Variants in LYPD3 observed in about 807,000 individuals in gnomAD.
LYPD3 encodes the protein LY6/PLAUR domain containing 3.
A neutral mutation model predicts 21.7 loss-of-function variants in LYPD3; 22 were observed. The observed-to-expected ratio is 1.01, with a 90% CI of 0.72 to 1.45. LYPD3 has a LOEUF of 1.45. Ranked by LOEUF, LYPD3 falls within the 40% of genes most tolerant of loss-of-function variation. The probability of loss-of-function intolerance (pLI) is 0.00; values close to 1 mark genes in which losing one functional copy is unlikely to be tolerated. For synonymous variants in LYPD3, 179 were observed against 203.0 expected, an observed-to-expected ratio of 0.88 and a Z score of 1.00; for missense variants, 471 against 466.9, an observed-to-expected ratio of 1.01 and a Z score of -0.08.
chr19:43,462,524 G>T (rs1329688220), intron 4 of LYPD3, among the ~76,000 whole-genome samples: 2 of 152,114 alleles, frequency 1.3e-5, no homozygotes, highest in African/African-American at 4.8e-5. Flanking sequence ...CAGTCGTGGC[G>T]GTGCACCCTG....
At chr19:43,465,223 G>C (rs1258280763) in intron 1 of LYPD3, among the ~76,000 whole-genome samples, 1 of 152,080 alleles carries the variant, frequency 6.6e-6, no homozygotes, top group Non-Finnish European at 1.5e-5. Context: ...CACCGCGCCC[G>C]GCCTAGGAAC....
At position 43,461,580 on chromosome 19, in the gene LYPD3, G is replaced by A. The variant is rs1970775965; in HGVS notation, c.812C>T (p.Pro271Leu). 4 of 1,614,180 alleles carry A rather than the reference G, an allele frequency of 2.5e-6. 1 individual carries two copies. The highest frequency in any genetic ancestry group is 1.7e-4 in the Middle Eastern group (1 of 6,060). Residue 271 changes from proline (P) to leucine (L), a missense_variant, in exon 5 of 5, where the codon CCC becomes CTC. Transcript: ENST00000244333. Reference sequence around the variant, plus strand: ...AGTCTGACTGGTTGGCGCTGGCATGGGTTTGGTGGTGGATGTGGGTCTCAC... The same window carrying A: ...AGTCTGACTGGTTGGCGCTGGCATGAGTTTGGTGGTGGATGTGGGTCTCAC... Reference protein sequence around the residue: ...APVRPTSTTKPMPAPTSQTPR... With the variant: ...APVRPTSTTKLMPAPTSQTPR...
In LYPD3 at chr19:43,461,738, C is replaced by T. The variant is rs752784686; in HGVS notation, c.654G>A (p.Gly218=). The change falls in exon 5 of 5, where the codon GGG becomes GGA. Residue 218 remains glycine, a synonymous_variant. Transcript: ENST00000244333. ...GFTLSGSCCQ[G]SRCNSDLRNK... Reference sequence around the variant, plus strand: ...TGCGGAGGTCAGAGTTACAGCGGGACCCCTGGCAACAGGAGCCACTGAGCG... The same window carrying T: ...TGCGGAGGTCAGAGTTACAGCGGGATCCCTGGCAACAGGAGCCACTGAGCG... 2 of 1,614,082 alleles carry T rather than the reference C, an allele frequency of 1.2e-6. No individual in the cohort carries two copies. Among genetic ancestry groups the T allele is most frequent in the Non-Finnish European group, 1.7e-6 (2 of 1,180,024 alleles).
At position 43,463,288 on chromosome 19, in the gene LYPD3, C is replaced by T. The variant is rs753705219; in HGVS notation, c.383-1G>A. Reference sequence around the variant, plus strand: ...TTGGGCGGGTATGCACTCTCATTACCTGCGAGGGGAGCCGAGAGGAAGAAA... The same window carrying T: ...TTGGGCGGGTATGCACTCTCATTACTTGCGAGGGGAGCCGAGAGGAAGAAA... On this transcript the variant is annotated splice_acceptor_variant, in intron 3 of 4. Coordinates refer to ENST00000244333, the MANE Select transcript of LYPD3 (RefSeq NM_014400.3). LOFTEE classifies it high-confidence loss of function. The T allele has an allele frequency of 5.0e-6, 8 of 1,601,026 alleles. No individual in the cohort carries two copies. In the Admixed American group the frequency reaches 1.3e-4, roughly 27 times the overall value.
intron 3 of LYPD3, 86 bp from the exon 4 acceptor site, chr19:43,463,373 C>T (rs768332343): frequency 2.3e-5 from 34 of 1,493,008 alleles, no homozygotes; most frequent in Non-Finnish European, 3.0e-5. Context: ...TAAGGCCTGG[C>T]CCCGGCACTA....
At chr19:43,463,566 C>A in intron 3 of LYPD3, 33 bp downstream of exon 3, 2 of 1,594,692 alleles carry the variant, frequency 1.3e-6, no homozygotes, top group Non-Finnish European at 1.7e-6. Context: ...AATGTGGCTC[C>A]GCCCCCGCAG....
Position 43,461,571 on chromosome 19 carries a change from G to C in LYPD3, c.821C>G (p.Ala274Gly). The C allele has an allele frequency of 1.9e-6, 3 of 1,614,162 alleles. No individual in the cohort carries two copies. In the South Asian group the frequency reaches 3.3e-5, roughly 18 times the overall value. The change falls in exon 5 of 5, where the codon GCG (alanine) becomes GGG (glycine). Residue 274 changes from alanine to glycine, a missense_variant. Transcript: ENST00000244333. Reference protein sequence around the residue: ...RPTSTTKPMPAPTSQTPRQGV... With the variant: ...RPTSTTKPMPGPTSQTPRQGV... ...CTGTCTCGGAGTCTGACTGGTTGGCGCTGGCATGGGTTTGGTGGTGGATGT... is the reference window on the plus strand; with the variant it reads ...CTGTCTCGGAGTCTGACTGGTTGGCCCTGGCATGGGTTTGGTGGTGGATGT...
chr19:43,461,158 TG>T lies in LYPD3; in HGVS notation c.*192del. The T allele has an allele frequency of 1.5e-6, 1 of 650,214 alleles. No homozygotes were observed. The highest frequency in any genetic ancestry group is 2.6e-6 in the Non-Finnish European group (1 of 386,342). 40.3% of individuals were successfully genotyped at this position (650,214 alleles called of 1,614,324 possible). A position where few individuals can be genotyped will look rare whatever the true frequency, so the allele number is the denominator to read the frequency against. ...TGTCCTCAAAAAGCTAGAACACCCC[TG>T]GCAGAATATATACAACGGTATTTTA... On this transcript the variant is annotated 3_prime_UTR_variant, in exon 5 of 5. Transcript: ENST00000244333.
chr19:43,463,841 G>C (rs556609946), intron 2 of LYPD3, 72 bp from the exon 3 acceptor site: 1 of 1,459,670 alleles, frequency 6.9e-7, no homozygotes, highest in South Asian at 1.1e-5. Flanking sequence ...GAGTTGGGTA[G>C]GGTCTGGGAG....
rs1361654435 is a variant in LYPD3, at chr19:43,461,666, G to A, written c.726C>T (p.Pro242=). ...AGGCCACAGTCGTGGGCTCTGGAGGGGGCAGCCGGACAAGGGGTGGGATTC... is the reference window on the plus strand; with the variant it reads ...AGGCCACAGTCGTGGGCTCTGGAGGAGGCAGCCGGACAAGGGGTGGGATTC... ...SPRIPPLVRL[P]PPEPTTVAST... Residue 242 remains proline (P), a synonymous_variant, in exon 5 of 5, where the codon CCC becomes CCT. Coordinates refer to ENST00000244333, the MANE Select transcript of LYPD3 (RefSeq NM_014400.3). 6.2e-7 allele frequency: 1 copy of A among 1,614,128 alleles called. No individual in the cohort carries two copies. The highest frequency in any genetic ancestry group is 2.2e-5 in the East Asian group (1 of 44,876).
chr19:43,463,440 A>C, intron 3 of LYPD3, 153 bp from the exon 4 acceptor site: 1 of 1,368,676 alleles, frequency 7.3e-7, no homozygotes, highest in Non-Finnish European at 1.0e-6. Flanking sequence ...CGGCGCCTAC[A>C]GCCAGAAAGT....
intron 4 of LYPD3, 53 bp downstream of exon 4, chr19:43,463,073 T>C (rs773332343): frequency 6.3e-7 from 1 of 1,597,470 alleles, no homozygotes; most frequent in Non-Finnish European, 8.5e-7. Flanking sequence ...CCCAGGGTGC[T>C]TCAGAAGGGC....
In LYPD3 at chr19:43,464,360, T is replaced by C; in HGVS notation, c.176A>G (p.Asp59Gly). The C allele has an allele frequency of 6.2e-7, 1 of 1,613,442 alleles. No homozygotes were observed. Among genetic ancestry groups the C allele is most frequent in the Non-Finnish European group, 8.5e-7 (1 of 1,179,808 alleles). ...CGCCCCCACGGCCTCGGTGCAGACG[T>C]CCACGCCCGGCGCGCACTTCACTGT... ...MKTVKCAPGV[D>G]VCTEAVGAVE... The change falls in exon 2 of 5, where the codon GAC becomes GGC. Residue 59 changes from aspartate to glycine, a missense_variant. By Grantham distance (94) the Asp-to-Gly change is moderately conservative. Coordinates refer to ENST00000244333, the MANE Select transcript of LYPD3 (RefSeq NM_014400.3).
In LYPD3 at chr19:43,461,523, C is replaced by A; in HGVS notation, c.869G>T (p.Arg290Leu). ...TCCAGTCAACCTGGGCTCCTCATCC[C>A]GGGAGGCCTCGTGTTCTACTCCCTG... ...PRQGVEHEAS[R>L]DEEPRLTGGA... The change falls in exon 5 of 5, where the codon CGG (arginine) becomes CTG (leucine). Residue 290 changes from arginine (R) to leucine (L), a missense_variant. Coordinates refer to ENST00000244333, the MANE Select transcript of LYPD3 (RefSeq NM_014400.3). 1 of 1,614,122 alleles carries A rather than the reference C, an allele frequency of 6.2e-7. No homozygotes were observed. The highest frequency in any genetic ancestry group is 8.5e-7 in the Non-Finnish European group (1 of 1,180,036).
Position 43,463,705 on chromosome 19 carries a change from G to T in LYPD3, c.276C>A (p.Arg92=). Residue 92 remains arginine (R), a synonymous_variant, in exon 3 of 5, where the codon CGC becomes CGA. Coordinates refer to ENST00000244333, the MANE Select transcript of LYPD3 (RefSeq NM_014400.3). Reference sequence around the variant, plus strand: ...CCAGAAGCCCGTGAAGATCCAGGCCGCGGTCATTCTTGCCGGGGAGTCCCG... The same window carrying T: ...CCAGAAGCCCGTGAAGATCCAGGCCTCGGTCATTCTTGCCGGGGAGTCCCG... ...CGSGLPGKND[R]GLDLHGLLAF... is the part of the protein sequence containing the mutation. 2 of 1,612,968 alleles carry T rather than the reference G, an allele frequency of 1.2e-6. No homozygotes were observed. Among genetic ancestry groups the T allele is most frequent in the Non-Finnish European group, 1.7e-6 (2 of 1,180,038 alleles).
In LYPD3 at chr19:43,463,140, A is replaced by T; in HGVS notation, c.530T>A (p.Val177Asp). Residue 177 changes from valine to aspartate, a missense_variant, in exon 4 of 5, where the codon GTC becomes GAC. By Grantham distance (152) the Val-to-Asp change is radical (BLOSUM62 -3). Transcript: ENST00000244333. ...GGCTCCCTCACCTGCCGTCAAGGTGACGTTGCCGTCGAAGCAGCCCTTGTA... is the reference window on the plus strand; with the variant it reads ...GGCTCCCTCACCTGCCGTCAAGGTGTCGTTGCCGTCGAAGCAGCCCTTGTA... Reference protein sequence around the residue: ...HVYKGCFDGNVTLTAANVTVS... With the variant: ...HVYKGCFDGNDTLTAANVTVS... 6.2e-7 allele frequency: 1 copy of T among 1,612,152 alleles called. No individual in the cohort carries two copies. Among genetic ancestry groups the T allele is most frequent in the Non-Finnish European group, 8.5e-7 (1 of 1,179,978 alleles).
At position 43,463,270 on chromosome 19, in the gene LYPD3, G is replaced by T; in HGVS notation, c.400C>A (p.Pro134Thr). The change falls in exon 4 of 5, where the codon CCG becomes ACG. Residue 134 changes from proline (P) to threonine (T), a missense_variant. Pro to Thr is a conservative substitution (Grantham distance 38). Transcript: ENST00000244333. ...CTGTAGCACTCCACGCCGTTGGGCG[G>T]GTATGCACTCTCATTACCTGCGAGG... ...LDPAGNESAYPPNGVECYSCV... is the reference protein window; with the variant it reads ...LDPAGNESAYTPNGVECYSCV... 6.2e-7 allele frequency: 1 copy of T among 1,603,136 alleles called. No individual in the cohort carries two copies. The highest frequency in any genetic ancestry group is 1.1e-5 in the South Asian group (1 of 91,088).
chr19:43,464,152 T>G, intron 2 of LYPD3, 173 bp downstream of exon 2: 2 of 883,646 alleles, frequency 2.3e-6, no homozygotes, highest in Non-Finnish European at 3.4e-6. Flanking sequence ...CTTGTAATTG[T>G]TAATAGAGAA....
At position 43,461,552 on chromosome 19, in the gene LYPD3, C is replaced by G. The variant is rs749115835; in HGVS notation, c.840G>C (p.Pro280=). The change falls in exon 5 of 5, where the codon CCG becomes CCC. Residue 280 remains proline (P), a synonymous_variant. Coordinates refer to ENST00000244333, the MANE Select transcript of LYPD3 (RefSeq NM_014400.3). ...KPMPAPTSQT[P]RQGVEHEASR... ...AGGCCTCGTGTTCTACTCCCTGTCT[C>G]GGAGTCTGACTGGTTGGCGCTGGCA... 1.9e-6 allele frequency: 3 copies of G among 1,614,126 alleles called. No individual in the cohort carries two copies. Among genetic ancestry groups the G allele is most frequent in the Middle Eastern group, 3.3e-4 (2 of 6,062 alleles).
Sources: gnomAD v4.1 joint callset for allele counts (sites outside exome capture counted in the v4.1 genomes callset) on GRCh38, gnomAD v4.1.1 for gene constraint, MANE v1.5 for transcripts, NCBI Gene and HGNC (gene_info 2026-07-23, HGNC 2026-07-21) for gene names.